Variants in FAR2 observed in about 807,000 individuals in gnomAD.
FAR2 encodes epididymis secretory protein Li 81.
FAR2 carries 19 observed loss-of-function variants against 56.0 expected under a neutral mutation model. The ratio of observed to expected loss-of-function variants is 0.34; its 90% CI spans 0.24 to 0.50. The LOEUF is 0.50. Ranked by LOEUF, FAR2 falls within the 20% of genes least tolerant of loss-of-function variation. FAR2 has a pLI of 0.98. For missense variants in FAR2, 508 were observed against 642.2 expected, an observed-to-expected ratio of 0.79 and a Z score of 2.26; for synonymous variants, 219 against 218.8, an observed-to-expected ratio of 1.00 and a Z score of -0.01.
intron 1 of FAR2, among the ~76,000 whole-genome samples, chr12:29,192,305 A>G (rs945582324): frequency 2.0e-5 from 3 of 152,220 alleles, no homozygotes; most frequent in Non-Finnish European, 4.4e-5. Context: ...TGCAAATGTG[A>G]ATATTCTGAG....
intron 4 of FAR2, among the ~76,000 whole-genome samples, chr12:29,307,190 C>T (rs1949266124): frequency 6.6e-6 from 1 of 152,094 alleles, no homozygotes; most frequent in South Asian, 2.1e-4. Flanking sequence ...AATGAGTGTA[C>T]TTATGAGCTT....
At chr12:29,238,899 C>G (rs548638809) in intron 1 of FAR2, among the ~76,000 whole-genome samples, 1 of 152,276 alleles carries the variant, frequency 6.6e-6, no homozygotes, top group South Asian at 2.1e-4. Flanking sequence ...TATGATCTCA[C>G]AGTTTCCATG....
chr12:29,213,427 C>T lies in FAR2; in HGVS notation c.-38-56985C>T, dbSNP rs1383499006. Among the ~76,000 whole-genome samples, 17 of 152,266 alleles carry T rather than the reference C, an allele frequency of 1.1e-4. 1 individual carries two copies. The highest frequency in any genetic ancestry group is 6.5e-4 in the Admixed American group (10 of 15,292). ...TCTATCAGCCGGACGCGGTGGCTCACGCCTGTCATTCCAGCACTTTGGGAG... is the reference window on the plus strand; with the variant it reads ...TCTATCAGCCGGACGCGGTGGCTCATGCCTGTCATTCCAGCACTTTGGGAG... On this transcript the variant is annotated intron_variant, in intron 1 of 11. Transcript: ENST00000536681.
intron 1 of FAR2, among the ~76,000 whole-genome samples, chr12:29,220,696 T>G (rs980789633): frequency 1.3e-5 from 2 of 152,118 alleles, no homozygotes; most frequent in African/African-American, 4.8e-5. Context: ...CAGTGGGATA[T>G]CCATACGATT....
intron 1 of FAR2, among the ~76,000 whole-genome samples, chr12:29,221,892 G>T (rs1947697515): frequency 6.6e-6 from 1 of 152,026 alleles, no homozygotes. Flanking sequence ...CTGTCACCCA[G>T]ACTGGAATAC....
intron 2 of FAR2, among the ~76,000 whole-genome samples, chr12:29,292,747 T>C (rs1468186226): frequency 1.3e-5 from 2 of 152,164 alleles, no homozygotes; most frequent in African/African-American, 4.8e-5. Flanking sequence ...GTTAACATAT[T>C]TCAATTCTGT....
At chr12:29,164,045 T>C (rs1949804350) in intron 1 of FAR2, among the ~76,000 whole-genome samples, 1 of 152,210 alleles carries the variant, frequency 6.6e-6, no homozygotes, top group African/African-American at 2.4e-5. Flanking sequence ...AGATACCCTC[T>C]AAGGGGCTGT....
chr12:29,253,083 C>T (rs932254389), intron 1 of FAR2, among the ~76,000 whole-genome samples: 1 of 152,050 alleles, frequency 6.6e-6, no homozygotes, highest in African/African-American at 2.4e-5. Flanking sequence ...CCCTGGGTCT[C>T]CACCCTGCTA....
intron 10 of FAR2, among the ~76,000 whole-genome samples, chr12:29,325,857 A>G (rs1337551997): frequency 7.9e-5 from 12 of 152,322 alleles, no homozygotes; most frequent in African/African-American, 2.4e-4. Flanking sequence ...AAGCAAGAGC[A>G]AACACATTCA....
chr12:29,276,302 G>GT (rs923361707), intron 2 of FAR2, among the ~76,000 whole-genome samples: 9 of 151,858 alleles, frequency 5.9e-5, no homozygotes, highest in South Asian at 2.1e-4. Flanking sequence ...AAAAAGAAGT[G>GT]TTTTTTTTCC....
chr12:29,311,855 C>A (rs1480247555), intron 7 of FAR2, 28 bp from the exon 8 acceptor site: 9 of 1,473,002 alleles, frequency 6.1e-6, no homozygotes, highest in Non-Finnish European at 8.5e-6. Flanking sequence ...TTTTGTTGTA[C>A]TTATCTAATT....
chr12:29,270,329 G>T, intron 1 of FAR2, 83 bp from the exon 2 acceptor site: 1 of 1,093,618 alleles, frequency 9.1e-7, no homozygotes. Flanking sequence ...CAAAGCTCTT[G>T]GAAGCAACAG....
intron 1 of FAR2, among the ~76,000 whole-genome samples, chr12:29,232,792 A>AACAC (rs149919184): frequency 6.8e-6 from 1 of 148,106 alleles, no homozygotes; most frequent in Non-Finnish European, 1.5e-5. Flanking sequence ...TGACCCAACA[A>AACAC]ACACACACAC....
intron 1 of FAR2, among the ~76,000 whole-genome samples, chr12:29,231,099 A>G (rs573914710): frequency 1.2e-4 from 19 of 152,304 alleles, no homozygotes; most frequent in African/African-American, 4.1e-4. Context: ...AGTTTGGGGT[A>G]TCAGATTAAG....
At chr12:29,207,594 A>AT (rs574117497) in intron 1 of FAR2, among the ~76,000 whole-genome samples, 9 of 151,438 alleles carry the variant, frequency 5.9e-5, no homozygotes, top group East Asian at 3.9e-4. Context: ...CGTTTCTCTG[A>AT]TTTTTTTTTC....
At chr12:29,194,719 G>C (rs1950131383) in intron 1 of FAR2, among the ~76,000 whole-genome samples, 1 of 152,264 alleles carries the variant, frequency 6.6e-6, no homozygotes, top group South Asian at 2.1e-4. Flanking sequence ...GTTGGGGTGA[G>C]GGTGGCAGTG....
At chr12:29,199,296 A>C (rs1947374110) in intron 1 of FAR2, among the ~76,000 whole-genome samples, 1 of 152,192 alleles carries the variant, frequency 6.6e-6, no homozygotes, top group Non-Finnish European at 1.5e-5. Context: ...AAATGAACAT[A>C]TATGCATTTT....
intron 10 of FAR2, among the ~76,000 whole-genome samples, chr12:29,326,022 A>G (rs1949639061): frequency 6.6e-6 from 1 of 152,148 alleles, no homozygotes; most frequent in Non-Finnish European, 1.5e-5. Flanking sequence ...AATAAAGAAG[A>G]AAAGAGAGAA....
At chr12:29,238,412 G>T (rs1261713474) in intron 1 of FAR2, among the ~76,000 whole-genome samples, 1 of 151,852 alleles carries the variant, frequency 6.6e-6, no homozygotes, top group East Asian at 1.9e-4. Context: ...TGGAAAATAT[G>T]TTATTTATTT....
Sources: allele counts gnomAD v4.1 joint callset (sites outside exome capture counted in the v4.1 genomes callset), GRCh38; gene constraint gnomAD v4.1.1; transcripts MANE v1.5; gene names NCBI Gene and HGNC (gene_info 2026-07-23, HGNC 2026-07-21).